ERBIN: variants seen among roughly 807,000 people sequenced by gnomAD.
ERBIN encodes the protein erbb2 interacting protein.
Under a neutral mutation model 158.4 loss-of-function variants are expected in ERBIN, and 60 were observed. The observed-to-expected ratio is 0.38, with a 90% CI of 0.31 to 0.47. The LOEUF is 0.47. ERBIN is among the 20% of genes least tolerant of loss of function. ERBIN has a pLI of 0.99. For missense variants in ERBIN, 1,610 were observed against 1,648.0 expected (o/e 0.98, Z 0.40); for synonymous variants, 594 against 557.2 (o/e 1.07, Z -0.93).
chr5:66,053,955 A>G lies in ERBIN; in HGVS notation c.2637A>G (p.Gly879=). The part of the protein sequence containing the change: ...KSHSITNMEI[G]GLKIYDILSD... ...ATAGCATAACTAATATGGAGATTGGAGGGCTAAAAATCTATGATATTCTTA... is the reference window on the plus strand; with the variant it reads ...ATAGCATAACTAATATGGAGATTGGGGGGCTAAAAATCTATGATATTCTTA... Residue 879 remains glycine, a synonymous_variant, in exon 21 of 26, where the codon GGA becomes GGG. Transcript: ENST00000284037. The G allele has an allele frequency of 6.2e-7, 1 of 1,614,134 alleles. No individual in the cohort carries two copies. Among genetic ancestry groups the G allele is most frequent in the Middle Eastern group, 1.6e-4 (1 of 6,062 alleles).
chr5:65,965,971 G>T (rs886804960), intron 1 of ERBIN, among the ~76,000 whole-genome samples: 1 of 152,080 alleles, frequency 6.6e-6, no homozygotes, highest in Non-Finnish European at 1.5e-5. Flanking sequence ...ATAAAATGAC[G>T]GTGCAGTTAA....
At chr5:65,981,034 C>T (rs73762639) in intron 1 of ERBIN, among the ~76,000 whole-genome samples, 6,116 of 152,232 alleles carry the variant, frequency 0.04, 417 homozygotes, top group African/African-American at 0.14. Context: ...CTAAGAATTA[C>T]GTGGGGCGTC....
At chr5:66,066,585 G>C (rs1761028259) in intron 21 of ERBIN, among the ~76,000 whole-genome samples, 1 of 150,814 alleles carries the variant, frequency 6.6e-6, no homozygotes, top group Non-Finnish European at 1.5e-5. Context: ...ATGTCACCTT[G>C]AAAATTTCAA....
chr5:66,011,700 A>C lies in ERBIN; in HGVS notation c.308-349A>C, dbSNP rs180770014. Among the ~76,000 whole-genome samples the C allele has an allele frequency of 5.3e-5, 8 of 151,652 alleles. No individual in the cohort carries two copies. In the East Asian group the frequency reaches 1.5e-3, roughly 29 times the overall value. On this transcript the variant is annotated intron_variant, in intron 4 of 25. Transcript: ENST00000284037. The stretch of plus-strand genomic sequence containing the variant: ...AGACTCCCTCTTAAAAACAAATAAA[A>C]ATAATGAAAAACGGTCCTTTTTTTT...
At chr5:65,943,773 G>T (rs1403747561) in intron 1 of ERBIN, among the ~76,000 whole-genome samples, 1 of 151,946 alleles carries the variant, frequency 6.6e-6, no homozygotes, top group Non-Finnish European at 1.5e-5. Context: ...TCATATTATT[G>T]TATACCCTTC....
At chr5:66,035,903 G>A (rs776287378) in intron 14 of ERBIN, among the ~76,000 whole-genome samples, 4 of 152,086 alleles carry the variant, frequency 2.6e-5, no homozygotes, top group Admixed American at 2.6e-4. Flanking sequence ...AGACCTGCCT[G>A]GGTGACATAA....
At chr5:66,024,131 TCTTAG>T (rs1755992696) in intron 9 of ERBIN, among the ~76,000 whole-genome samples, 170 bp from the exon 10 acceptor site, 2 of 152,304 alleles carry the variant, frequency 1.3e-5, no homozygotes, top group South Asian at 4.1e-4. Flanking sequence ...TAGTAGAACA[TCTTAG>T]CTATATTACT....
intron 20 of ERBIN, among the ~76,000 whole-genome samples, chr5:66,051,280 A>G (rs1391044199): frequency 1.3e-5 from 2 of 152,180 alleles, no homozygotes; most frequent in East Asian, 1.9e-4. Context: ...GTATTTTTAT[A>G]GTTAGAAATG....
chr5:65,928,509 T>C (rs1041992558), intron 1 of ERBIN, among the ~76,000 whole-genome samples: 11 of 152,194 alleles, frequency 7.2e-5, no homozygotes, highest in South Asian at 2.1e-4. Flanking sequence ...TTACAGAGAA[T>C]TATCGCTTTA....
intron 1 of ERBIN, among the ~76,000 whole-genome samples, chr5:65,930,340 C>G (rs1424331352): frequency 6.6e-6 from 1 of 152,176 alleles, no homozygotes; most frequent in East Asian, 1.9e-4. Context: ...GAGTCTTGCT[C>G]TGTCGCCCAG....
At position 66,016,417 on chromosome 5, in the gene ERBIN, C is replaced by T. The variant is rs1754720417; in HGVS notation, c.533+1692C>T. 3.3e-5 allele frequency among the ~76,000 whole-genome samples: 5 copies of T among 152,076 alleles called. No individual in the cohort carries two copies. The South Asian group carries it at 1.0e-3, about 32-fold the overall frequency. On this transcript the variant is annotated intron_variant, in intron 7 of 25. Coordinates refer to ENST00000284037, the MANE Select transcript of ERBIN (RefSeq NM_001253697.2). The stretch of plus-strand genomic sequence containing the variant: ...AGTGAATTTGCAAATATTCTTTTCT[C>T]CTTTTAAGATATGATTGTAGCCTTT...
Position 65,927,165 on chromosome 5 carries a change from C to T in ERBIN, c.-58+359C>T, listed in dbSNP as rs72768096. Among the ~76,000 whole-genome samples, 890 of 152,090 alleles carry T rather than the reference C, an allele frequency of 5.9e-3. 3 individuals are homozygous for T. Among genetic ancestry groups the T allele is most frequent in the Non-Finnish European group, 9.7e-3 (660 of 67,908 alleles). ...GTATATTAAGTTGCTCAGCCAGGCA[C>T]CTTCTGTTTGGGAAGAAAGTTTGGT... is the stretch of plus-strand genomic sequence containing the variant. On this transcript the variant is annotated intron_variant, in intron 1 of 25. Coordinates refer to ENST00000284037, the MANE Select transcript of ERBIN (RefSeq NM_001253697.2).
chr5:66,005,144 G>A (rs982702239), intron 4 of ERBIN, among the ~76,000 whole-genome samples: 1 of 152,148 alleles, frequency 6.6e-6, no homozygotes, highest in Non-Finnish European at 1.5e-5. Context: ...TTCAAATGCT[G>A]TTTCAGTCAT....
At chr5:66,019,920 C>A (rs1003289182) in intron 7 of ERBIN, among the ~76,000 whole-genome samples, 1 of 152,048 alleles carries the variant, frequency 6.6e-6, no homozygotes, top group South Asian at 2.1e-4. Flanking sequence ...ATCTTCTTCA[C>A]TTTTTGCAAA....
intron 1 of ERBIN, among the ~76,000 whole-genome samples, chr5:65,969,057 A>G (rs954144716): frequency 5.3e-5 from 8 of 152,234 alleles, no homozygotes; most frequent in Non-Finnish European, 1.2e-4. Context: ...AATGAGAGTT[A>G]GTATTGACCT....
At chr5:66,052,838 A>G (rs1474697357) in intron 20 of ERBIN, among the ~76,000 whole-genome samples, 2 of 152,184 alleles carry the variant, frequency 1.3e-5, no homozygotes, top group African/African-American at 4.8e-5. Context: ...TGCCTTTTAC[A>G]TATTTGATGT....
intron 1 of ERBIN, among the ~76,000 whole-genome samples, chr5:65,934,435 A>G (rs1425063180): frequency 2.0e-5 from 3 of 151,784 alleles, no homozygotes; most frequent in Non-Finnish European, 2.9e-5. Flanking sequence ...CTTTTTTTTC[A>G]AGGCCTTGAC....
chr5:65,952,357 A>G (rs766865101), intron 1 of ERBIN, among the ~76,000 whole-genome samples: 4 of 152,070 alleles, frequency 2.6e-5, no homozygotes, highest in Non-Finnish European at 4.4e-5. Context: ...TTTTATTTTT[A>G]TTTTTTAAAG....
At chr5:66,004,391 C>CGT (rs1418388044) in intron 4 of ERBIN, among the ~76,000 whole-genome samples, 1 of 151,664 alleles carries the variant, frequency 6.6e-6, no homozygotes, top group Non-Finnish European at 1.5e-5. Context: ...TGTGTGTGTG[C>CGT]GCGCGCGTGC....
Sources: allele counts gnomAD v4.1 joint callset (sites outside exome capture counted in the v4.1 genomes callset), GRCh38; gene constraint gnomAD v4.1.1; transcripts MANE v1.5; gene names NCBI Gene and HGNC (gene_info 2026-07-23, HGNC 2026-07-21).